PRRC2B: variants seen among roughly 807,000 people sequenced by gnomAD.
PRRC2B encodes protein PRRC2B.
A neutral mutation model predicts 242.3 loss-of-function variants in PRRC2B; 68 were observed. The ratio of observed to expected loss-of-function variants is 0.28; its 90% CI spans 0.23 to 0.34. The LOEUF (loss-of-function observed/expected upper bound fraction) is 0.34, where lower values mean the gene tolerates loss of function less well. Among genes scored for constraint, PRRC2B ranks in the 10% least tolerant of loss-of-function variants. The pLI is 1.00. For missense variants in PRRC2B, 2,835 were observed against 2,954.8 expected (o/e 0.96, Z 0.94); for synonymous variants, 1,228 against 1,173.6 (o/e 1.05, Z -0.95).
Position 131,475,335 on chromosome 9 carries a change from G to T in PRRC2B, c.3206G>T (p.Arg1069Leu), listed in dbSNP as rs377155180. 1.3e-6 allele frequency: 2 copies of T among 1,591,720 alleles called. No individual in the cohort carries two copies. The highest frequency in any genetic ancestry group is 1.7e-6 in the Non-Finnish European group (2 of 1,170,024). ...AGAGGACAGGCCCGGGGCCGGGGCC[G>T]TGGTTTCAGAGAGTTCACTTTTCGT... ...GVRGQARGRG[R>L]GFREFTFRGR... The change falls in exon 16 of 32, where the codon CGT becomes CTT. Residue 1069 changes from arginine (R) to leucine (L), a missense_variant. By Grantham distance (102) the Arg-to-Leu change is moderately radical. Transcript: ENST00000683519.
intron 13 of PRRC2B, among the ~76,000 whole-genome samples, chr9:131,468,465 T>A (rs1943454613): frequency 6.6e-6 from 1 of 152,226 alleles, no homozygotes. Flanking sequence ...TTTATTTTTT[T>A]ATAAATTTTA....
At chr9:131,403,400 G>A (rs538614727) in intron 1 of PRRC2B, among the ~76,000 whole-genome samples, 80 of 151,760 alleles carry the variant, frequency 5.3e-4, no homozygotes, top group Admixed American at 4.2e-3. Flanking sequence ...TGCCCAGGCC[G>A]GAGTGCAGTG....
chr9:131,479,900 C>T (rs909167246), intron 19 of PRRC2B, among the ~76,000 whole-genome samples: 1 of 152,122 alleles, frequency 6.6e-6, no homozygotes, highest in African/African-American at 2.4e-5. Context: ...CTTCTTAGAA[C>T]ATTTGTTGCC....
rs267602147 is a variant in PRRC2B, at chr9:131,473,549, A to C, written c.2149A>C (p.Thr717Pro). The C allele has an allele frequency of 6.2e-7, 1 of 1,609,464 alleles. No individual in the cohort carries two copies. The highest frequency in any genetic ancestry group is 8.5e-7 in the Non-Finnish European group (1 of 1,177,994). The stretch of plus-strand genomic sequence containing the variant: ...GATGCCCCAGGAGTCCCTCAATGGG[A>C]CAGGCTGTCGCTCTGAGGATCAGAA... Reference protein sequence around the residue: ...PMMPQESLNGTGCRSEDQNCV... With the variant: ...PMMPQESLNGPGCRSEDQNCV... Residue 717 changes from threonine (T) to proline (P), a missense_variant, in exon 15 of 32, where the codon ACA (threonine) becomes CCA (proline). Physicochemically the swap from Thr to Pro is conservative, Grantham distance 38 (BLOSUM62 -1). Coordinates refer to ENST00000683519, the MANE Select transcript of PRRC2B (RefSeq NM_013318.4).
chr9:131,403,817 T>C (rs1447143667), intron 1 of PRRC2B, among the ~76,000 whole-genome samples: 1 of 151,742 alleles, frequency 6.6e-6, no homozygotes, highest in Non-Finnish European at 1.5e-5. Context: ...TGTAGGGAGG[T>C]TTTTTAAAAA....
intron 1 of PRRC2B, among the ~76,000 whole-genome samples, chr9:131,394,715 G>A (rs1321346166): frequency 6.6e-6 from 1 of 151,640 alleles, no homozygotes; most frequent in Non-Finnish European, 1.5e-5. Context: ...CGCGCCCGAG[G>A]CGGGATCCTG....
chr9:131,446,949 A>G lies in PRRC2B; in HGVS notation c.856-136A>G. 8.8e-7 allele frequency: 1 copy of G among 1,140,330 alleles called. No homozygotes were observed. Among genetic ancestry groups the G allele is most frequent in the Non-Finnish European group, 1.2e-6 (1 of 803,686 alleles). The allele number at this position is 1,140,330 out of a possible 1,614,324, so 70.6% of individuals were successfully genotyped here. ...GGAATGAAATGGGGGAGATGGTGGT[A>G]GGATTAATTAGGAAACCCCATGACT... On this transcript the variant is annotated intron_variant, in intron 7 of 31. Coordinates refer to ENST00000683519, the MANE Select transcript of PRRC2B (RefSeq NM_013318.4). The surrounding 1 kb of genome is among the most constrained non-coding windows in gnomAD (Gnocchi z 4.1).
intron 10 of PRRC2B, 96 bp from the exon 11 acceptor site, chr9:131,459,068 A>G: frequency 1.9e-6 from 2 of 1,060,952 alleles, no homozygotes; most frequent in Non-Finnish European, 2.8e-6. Flanking sequence ...AATGATTTGG[A>G]CAGCTGACTT....
At chr9:131,428,230 G>C (rs948081628) in intron 1 of PRRC2B, among the ~76,000 whole-genome samples, 1 of 150,474 alleles carries the variant, frequency 6.6e-6, no homozygotes, top group African/African-American at 2.4e-5. Context: ...TACAAGTTTT[G>C]TTTTTTAAGA....
chr9:131,473,446 C>T lies in PRRC2B; in HGVS notation c.2108-62C>T, dbSNP rs1313797024. 4.5e-6 allele frequency: 6 copies of T among 1,324,592 alleles called. No homozygotes were observed. The South Asian group carries it at 7.9e-5, about 17-fold the overall frequency. 82.1% of individuals were successfully genotyped at this position (1,324,592 alleles called of 1,614,324 possible). ...TTAACTTCTTTGGGCCTTTGGTTGA[C>T]CCTGAGATTGGAGCAGGGCTTTCTA... On this transcript the variant is annotated intron_variant, in intron 14 of 31. Transcript: ENST00000683519.
rs528370767 is a variant in PRRC2B at position 131,435,735 on chromosome 9, T to C, written c.294-885T>C. 6.6e-5 allele frequency among the ~76,000 whole-genome samples: 10 copies of C among 152,278 alleles called. No homozygotes were observed. In the East Asian group the frequency reaches 9.6e-4, roughly 15 times the overall value. On this transcript the variant is annotated intron_variant, in intron 3 of 31. Transcript: ENST00000683519. Reference sequence around the variant, plus strand: ...TGACCTGTCTAGTTGTGTTGTGTGCTCATTAAAAGCAAAAGGAAGATCCGT... The same window carrying C: ...TGACCTGTCTAGTTGTGTTGTGTGCCCATTAAAAGCAAAAGGAAGATCCGT...
chr9:131,472,014 A>G (rs751877682), intron 14 of PRRC2B, among the ~76,000 whole-genome samples: 78 of 152,228 alleles, frequency 5.1e-4, no homozygotes, highest in Non-Finnish European at 1.0e-3. Flanking sequence ...CTGGAGGCAT[A>G]CAGGTTTAGA....
At chr9:131,409,320 C>T (rs1427488489) in intron 1 of PRRC2B, among the ~76,000 whole-genome samples, 2 of 152,030 alleles carry the variant, frequency 1.3e-5, no homozygotes, top group Non-Finnish European at 2.9e-5. Context: ...CCGCACCTTA[C>T]AGGTGCCTGC....
upstream of PRRC2B, among the ~76,000 whole-genome samples, chr9:131,393,905 T>G (rs936331995): frequency 3.4e-5 from 4 of 117,858 alleles, no homozygotes; most frequent in Non-Finnish European, 7.4e-5. Flanking sequence ...TCCCCGCCCC[T>G]CCCCCCTGGC....
intron 6 of PRRC2B, among the ~76,000 whole-genome samples, chr9:131,445,385 C>G (rs531509269): frequency 6.6e-6 from 1 of 152,290 alleles, no homozygotes; most frequent in Admixed American, 6.5e-5. Context: ...CCTTGAACTC[C>G]TGACCTCAGG....
chr9:131,390,956 T>C (rs1836893747), upstream of PRRC2B, among the ~76,000 whole-genome samples: 1 of 151,702 alleles, frequency 6.6e-6, no homozygotes, highest in African/African-American at 2.4e-5. Context: ...CTGGCTAATT[T>C]TTGTATTTTT....
chr9:131,461,867 T>C (rs1211752509), intron 11 of PRRC2B, among the ~76,000 whole-genome samples: 1 of 152,210 alleles, frequency 6.6e-6, no homozygotes, highest in African/African-American at 2.4e-5. Flanking sequence ...CACATTCTTA[T>C]AAAATGAAAA....
At chr9:131,389,349 G>T (rs112675753), upstream of PRRC2B, among the ~76,000 whole-genome samples, 28 of 148,094 alleles carry the variant, frequency 1.9e-4, no homozygotes, top group African/African-American at 5.9e-4. Flanking sequence ...TAGAGATGGG[G>T]TTTCTCCATG....
intron 1 of PRRC2B, among the ~76,000 whole-genome samples, chr9:131,396,518 G>A (rs1399289324): frequency 1.3e-5 from 2 of 151,816 alleles, no homozygotes; most frequent in African/African-American, 4.8e-5. Flanking sequence ...TAGAGACAGG[G>A]TTTCACCATG....
Sources: allele counts gnomAD v4.1 joint callset (sites outside exome capture counted in the v4.1 genomes callset), GRCh38; gene constraint gnomAD v4.1.1; non-coding constraint Gnocchi (gnomAD v3.1); transcripts MANE v1.5; gene names NCBI Gene and HGNC (gene_info 2026-07-23, HGNC 2026-07-21).